The following SAMD13 variants were observed in gnomAD, a reference collection of about 807,000 sequenced individuals.
SAMD13 encodes the protein sterile alpha motif domain-containing protein 13.
In SAMD13, 9 loss-of-function variants were observed where a neutral mutation model predicts 12.4. The observed-to-expected ratio is 0.72, with a 90% CI of 0.44 to 1.26. The LOEUF (loss-of-function observed/expected upper bound fraction) is 1.26. SAMD13 is among the 50% of genes most tolerant of loss of function. SAMD13 has a pLI of 0.00. For missense variants in SAMD13, 84 were observed against 119.6 expected, an observed-to-expected ratio of 0.70 and a Z score of 1.39; for synonymous variants, 46 against 45.4, an observed-to-expected ratio of 1.01 and a Z score of -0.05.
intron 2 of SAMD13, among the ~76,000 whole-genome samples, chr1:84,316,956 G>A (rs1241031060): frequency 6.6e-6 from 1 of 151,934 alleles, no homozygotes; most frequent in African/African-American, 2.4e-5. Flanking sequence ...TCCTAAGTAT[G>A]ACGTTATTGT....
chr1:84,317,135 A>G (rs1353913104), intron 2 of SAMD13, among the ~76,000 whole-genome samples: 2 of 152,074 alleles, frequency 1.3e-5, no homozygotes, highest in Non-Finnish European at 2.9e-5. Context: ...ATATAAGATC[A>G]TATCATCTGT....
At chr1:84,308,471 A>G (rs2055114) in intron 2 of SAMD13, among the ~76,000 whole-genome samples, 538 of 152,264 alleles carry the variant, frequency 3.5e-3, no homozygotes, top group Non-Finnish European at 4.7e-3. Context: ...ACATTGCCAA[A>G]TGTTCCCTGA....
At chr1:84,320,078 G>A (rs750745944) in intron 2 of SAMD13, among the ~76,000 whole-genome samples, 16 of 152,138 alleles carry the variant, frequency 1.1e-4, no homozygotes, top group South Asian at 4.1e-4. Context: ...CAACTGACCC[G>A]AGATTATCGT....
At chr1:84,329,180 T>G (rs1679126068) in intron 3 of SAMD13, among the ~76,000 whole-genome samples, 1 of 151,994 alleles carries the variant, frequency 6.6e-6, no homozygotes, top group Non-Finnish European at 1.5e-5. Context: ...TACTCTCAGG[T>G]GTAAGGATAC....
intron 3 of SAMD13, among the ~76,000 whole-genome samples, chr1:84,332,933 A>G (rs1679222508): frequency 6.6e-6 from 1 of 152,142 alleles, no homozygotes; most frequent in East Asian, 1.9e-4. Context: ...GTCCAGTTTC[A>G]ATCTTCTGCA....
At chr1:84,331,328 T>TA (rs1178046260) in intron 3 of SAMD13, among the ~76,000 whole-genome samples, 592 of 15,174 alleles carry the variant, frequency 0.039, 42 homozygotes, top group African/African-American at 0.12. Flanking sequence ...CCCTCCTTGG[T>TA]AAAAAAAAAA....
chr1:84,340,410 T>C (rs1679397510), intron 3 of SAMD13, among the ~76,000 whole-genome samples: 1 of 152,144 alleles, frequency 6.6e-6, no homozygotes, highest in Admixed American at 6.5e-5. Flanking sequence ...TACCAGAGGT[T>C]TGGGGGAGTA....
intron 2 of SAMD13, among the ~76,000 whole-genome samples, chr1:84,313,192 G>C (rs1476130873): frequency 6.6e-6 from 1 of 152,030 alleles, no homozygotes; most frequent in African/African-American, 2.4e-5. Context: ...ATGCATTAAA[G>C]AATGTACATA....
intron 2 of SAMD13, among the ~76,000 whole-genome samples, chr1:84,305,301 A>G (rs1178476798): frequency 1.3e-5 from 2 of 152,136 alleles, no homozygotes; most frequent in Non-Finnish European, 2.9e-5. Flanking sequence ...CCATTCATGT[A>G]TCTTCCTAGA....
intron 3 of SAMD13, among the ~76,000 whole-genome samples, chr1:84,338,391 A>T (rs1183565693): frequency 5.3e-5 from 8 of 150,958 alleles, no homozygotes; most frequent in Non-Finnish European, 1.0e-4. Context: ...GGATGGCAGC[A>T]GGCAAAAAGA....
intron 3 of SAMD13, among the ~76,000 whole-genome samples, chr1:84,335,027 CT>C (rs1299171826): frequency 6.6e-6 from 1 of 152,048 alleles, no homozygotes; most frequent in East Asian, 1.9e-4. Flanking sequence ...ATTCTGCCAT[CT>C]TAGAGGTGGA....
intron 2 of SAMD13, among the ~76,000 whole-genome samples, chr1:84,309,341 C>T (rs968235215): frequency 2.6e-5 from 4 of 152,088 alleles, no homozygotes; most frequent in Non-Finnish European, 4.4e-5. Context: ...GTTCTTGTGT[C>T]GTTGCTGCAA....
At chr1:84,326,273 A>C (rs1207996607) in intron 3 of SAMD13, among the ~76,000 whole-genome samples, 2 of 152,164 alleles carry the variant, frequency 1.3e-5, no homozygotes, top group Non-Finnish European at 2.9e-5. Flanking sequence ...TAGGCACGTT[A>C]CTATGTCTCT....
chr1:84,336,068 T>G (rs955800778), intron 3 of SAMD13, among the ~76,000 whole-genome samples: 2 of 152,170 alleles, frequency 1.3e-5, no homozygotes, highest in African/African-American at 4.8e-5. Flanking sequence ...GCTGTCTGCA[T>G]GTCCTGAATT....
intron 2 of SAMD13, among the ~76,000 whole-genome samples, chr1:84,306,692 G>A (rs966818093): frequency 6.7e-6 from 1 of 149,114 alleles, no homozygotes; most frequent in African/African-American, 2.4e-5. Context: ...TTAGCCAGGT[G>A]TGGTGTTACA....
At chr1:84,333,398 G>A (rs770607325) in intron 3 of SAMD13, among the ~76,000 whole-genome samples, 4 of 152,074 alleles carry the variant, frequency 2.6e-5, no homozygotes, top group Non-Finnish European at 4.4e-5. Context: ...GTAGTGTTTT[G>A]TAGTTCTCAT....
At chr1:84,308,764 A>AC (rs1678642368) in intron 2 of SAMD13, among the ~76,000 whole-genome samples, 2 of 152,116 alleles carry the variant, frequency 1.3e-5, no homozygotes, top group African/African-American at 4.8e-5. Context: ...TATTCTTGCA[A>AC]CTTTTCTGTA....
chr1:84,307,526 A>G (rs1395456138), intron 2 of SAMD13, among the ~76,000 whole-genome samples: 3 of 152,136 alleles, frequency 2.0e-5, no homozygotes, highest in African/African-American at 4.8e-5. Context: ...GTCAGTTTCA[A>G]TTAACTGAAT....
At chr1:84,331,209 A>C (rs1225391100) in intron 3 of SAMD13, among the ~76,000 whole-genome samples, 1 of 152,002 alleles carries the variant, frequency 6.6e-6, no homozygotes, top group East Asian at 1.9e-4. Context: ...ATAGTGTTCT[A>C]ATCACGGCCA....
Sources: allele counts gnomAD v4.1 joint callset (sites outside exome capture counted in the v4.1 genomes callset), GRCh38; gene constraint gnomAD v4.1.1; transcripts MANE v1.5; gene names NCBI Gene and HGNC (gene_info 2026-07-23, HGNC 2026-07-21).